SAMD5: variants seen among roughly 807,000 people sequenced by gnomAD.
SAMD5 encodes the protein sterile alpha motif domain-containing protein 5.
In SAMD5, 13 loss-of-function variants were observed where a neutral mutation model predicts 11.3. The observed-to-expected ratio is 1.15, with a 90% CI of 0.75 to 1.83. The LOEUF (loss-of-function observed/expected upper bound fraction) is 1.83, where lower values mean the gene tolerates loss of function less well. Ranked by LOEUF, SAMD5 falls within the 40% of genes most tolerant of loss-of-function variation. The pLI is 0.00. For missense variants in SAMD5, 255 were observed against 239.1 expected, an observed-to-expected ratio of 1.07 and a Z score of -0.44; for synonymous variants, 129 against 111.3, an observed-to-expected ratio of 1.16 and a Z score of -1.00.
the SAMD5 span, among the ~76,000 whole-genome samples, chr6:147,846,165 A>G: frequency 6.6e-6 from 1 of 152,162 alleles, no homozygotes; most frequent in Non-Finnish European, 1.5e-5. Flanking sequence ...TTGTATTTCT[A>G]TAATACTTAT....
At chr6:147,646,815 G>A (rs967086722) in intron 1 of SAMD5, among the ~76,000 whole-genome samples, 1 of 151,792 alleles carries the variant, frequency 6.6e-6, no homozygotes, top group Admixed American at 6.6e-5. Context: ...TGCTCTTAAA[G>A]CAAGCCAGAT....
chr6:147,883,787 TA>T, the SAMD5 span, among the ~76,000 whole-genome samples: 7 of 152,340 alleles, frequency 4.6e-5, no homozygotes, highest in South Asian at 1.4e-3. Flanking sequence ...TTTGATGTTC[TA>T]ATATCACTGC....
At chr6:147,580,555 G>T (rs914223621) in intron 1 of SAMD5, among the ~76,000 whole-genome samples, 2 of 152,174 alleles carry the variant, frequency 1.3e-5, no homozygotes, top group Non-Finnish European at 2.9e-5. Flanking sequence ...TGGTCACTGG[G>T]GTAGCCCCTA....
At chr6:147,724,610 C>T (rs1240515031) in intron 1 of SAMD5, among the ~76,000 whole-genome samples, 2 of 152,110 alleles carry the variant, frequency 1.3e-5, no homozygotes, top group Non-Finnish European at 2.9e-5. Flanking sequence ...GTCACCTTAT[C>T]CTGGCCCCCT....
chr6:147,666,990 T>C (rs1790731838), intron 1 of SAMD5, among the ~76,000 whole-genome samples: 1 of 152,108 alleles, frequency 6.6e-6, no homozygotes, highest in Non-Finnish European at 1.5e-5. Context: ...CTTTCCCCCA[T>C]TTTTTCCGAG....
the SAMD5 span, among the ~76,000 whole-genome samples, chr6:147,892,237 A>G: frequency 4.4e-3 from 677 of 152,304 alleles, 7 homozygotes; most frequent in African/African-American, 0.014. Flanking sequence ...AGATTCTGGA[A>G]ATACAGCAGT....
intron 1 of SAMD5, among the ~76,000 whole-genome samples, chr6:147,608,466 G>C (rs1789734332): frequency 6.6e-6 from 1 of 152,160 alleles, no homozygotes; most frequent in South Asian, 2.1e-4. Context: ...CCATTGAAAA[G>C]AATAAGATCC....
chr6:147,936,046 G>T, the SAMD5 span, among the ~76,000 whole-genome samples: 2 of 152,282 alleles, frequency 1.3e-5, no homozygotes, highest in South Asian at 4.1e-4. Flanking sequence ...CACCAGGAGA[G>T]TCAGCCCTAC....
chr6:147,699,115 G>T (rs982723168), intron 1 of SAMD5, among the ~76,000 whole-genome samples: 1 of 152,100 alleles, frequency 6.6e-6, no homozygotes, highest in African/African-American at 2.4e-5. Context: ...TCATGTGCCT[G>T]ATTTCTGACA....
chr6:147,797,286 G>C, the SAMD5 span, among the ~76,000 whole-genome samples: 1 of 145,476 alleles, frequency 6.9e-6, no homozygotes, highest in Non-Finnish European at 1.5e-5. Context: ...AAGGGTTGTT[G>C]AATTTTGTCA....
chr6:147,723,345 C>G (rs1327431693), intron 1 of SAMD5, among the ~76,000 whole-genome samples: 2 of 152,214 alleles, frequency 1.3e-5, no homozygotes, highest in Non-Finnish European at 2.9e-5. Flanking sequence ...CACCCCTCCA[C>G]ACATGACAGG....
intron 1 of SAMD5, among the ~76,000 whole-genome samples, chr6:147,606,948 T>A (rs1298040325): frequency 7.4e-6 from 1 of 134,784 alleles, no homozygotes; most frequent in African/African-American, 2.8e-5. Context: ...CATTCAAATC[T>A]GTAGCAGCTT....
At chr6:147,599,071 T>C (rs980480289) in intron 1 of SAMD5, among the ~76,000 whole-genome samples, 71 of 152,282 alleles carry the variant, frequency 4.7e-4, no homozygotes, top group African/African-American at 1.7e-3. Flanking sequence ...GCGGTGGAAG[T>C]TGCAGATGAG....
chr6:147,660,537 C>A (rs1790633018), intron 1 of SAMD5, among the ~76,000 whole-genome samples: 1 of 152,152 alleles, frequency 6.6e-6, no homozygotes. Flanking sequence ...TGTGTCCCTG[C>A]CAAAATCTCA....
At chr6:147,545,246 G>C (rs1788667130) in intron 1 of SAMD5, among the ~76,000 whole-genome samples, 1 of 152,150 alleles carries the variant, frequency 6.6e-6, no homozygotes, top group Non-Finnish European at 1.5e-5. Flanking sequence ...TTCTTTAATA[G>C]ATAATAGTAA....
intron 1 of SAMD5, among the ~76,000 whole-genome samples, chr6:147,644,540 C>T (rs1020501243): frequency 1.3e-5 from 2 of 152,022 alleles, no homozygotes; most frequent in African/African-American, 2.4e-5. Flanking sequence ...AGCTGTGAGA[C>T]TATTAAGGAA....
the SAMD5 span, among the ~76,000 whole-genome samples, chr6:147,772,914 G>A: frequency 1.3e-5 from 2 of 152,186 alleles, no homozygotes; most frequent in Non-Finnish European, 2.9e-5. Context: ...GCAAACTGAT[G>A]ACATAGGCAG....
chr6:147,600,809 G>A (rs1789603721), intron 1 of SAMD5, among the ~76,000 whole-genome samples: 1 of 152,158 alleles, frequency 6.6e-6, no homozygotes, highest in Admixed American at 6.5e-5. Context: ...AACAAATTAT[G>A]GATTCTTGTG....
chr6:147,569,610 A>G lies in SAMD5; in HGVS notation c.*5154A>G. 4 of 984,994 alleles carry G rather than the reference A, an allele frequency of 4.1e-6. No individual in the cohort carries two copies. Among genetic ancestry groups the G allele is most frequent in the Non-Finnish European group, 4.8e-6 (4 of 829,490 alleles). The allele number at this position is 984,994 out of a possible 1,614,324, so 61.0% of individuals were successfully genotyped here. ...TTAAATATCTCCAGGGCAAAGTGGT[A>G]TGTTGACTGGGACAAACGTTAGAAA... is the stretch of plus-strand genomic sequence containing the variant. On this transcript the variant is annotated 3_prime_UTR_variant, in exon 2 of 2. Coordinates refer to ENST00000367474, the MANE Select transcript of SAMD5 (RefSeq NM_001030060.3).
Sources: gnomAD v4.1 joint callset for allele counts (sites outside exome capture counted in the v4.1 genomes callset) on GRCh38, gnomAD v4.1.1 for gene constraint, MANE v1.5 for transcripts, NCBI Gene and HGNC (gene_info 2026-07-23, HGNC 2026-07-21) for gene names.